The following KCNAB1 variants were observed in gnomAD, a reference collection of about 807,000 sequenced individuals.
The protein encoded by KCNAB1 is voltage-gated potassium channel subunit beta-1.
In KCNAB1, 35 loss-of-function variants were observed where a neutral mutation model predicts 64.6. That is an observed-to-expected ratio of 0.54 (90% confidence interval 0.41 to 0.72). The LOEUF (loss-of-function observed/expected upper bound fraction) is 0.72. KCNAB1 is among the 30% of genes least tolerant of loss of function. KCNAB1 has a pLI of 0.00. For synonymous variants in KCNAB1, 177 were observed against 183.8 expected (o/e 0.96, Z 0.30); for missense variants, 401 against 512.9 (o/e 0.78, Z 2.11).
intron 2 of KCNAB1, among the ~76,000 whole-genome samples, chr3:156,443,783 ATTC>A (rs1559887322): frequency 1.5e-5 from 2 of 136,534 alleles, no homozygotes; most frequent in East Asian, 4.2e-4. Context: ...CACACACACT[ATTC>A]TTTACTTGTA....
intron 1 of KCNAB1, among the ~76,000 whole-genome samples, chr3:156,234,731 G>A (rs1472526667): frequency 1.3e-5 from 2 of 152,176 alleles, no homozygotes; most frequent in African/African-American, 2.4e-5. Flanking sequence ...CAGTATGGCT[G>A]TGTGGTTTGC....
chr3:156,195,278 T>G (rs1463773855), intron 1 of KCNAB1, among the ~76,000 whole-genome samples: 5 of 152,236 alleles, frequency 3.3e-5, no homozygotes, highest in Non-Finnish European at 7.3e-5. Flanking sequence ...TAGAATGATT[T>G]ATAATCCTTT....
chr3:156,228,935 A>G lies in KCNAB1; in HGVS notation c.275+108049A>G, dbSNP rs562308201. ...ATGGCATACCTGAACCCCAGCGGAG[A>G]CTAGGGTTTACACAGAGAGAAGGTG... On this transcript the variant is annotated intron_variant, in intron 1 of 13. Transcript: ENST00000490337. 2.7e-4 allele frequency among the ~76,000 whole-genome samples: 41 copies of G among 152,172 alleles called. No homozygotes were observed. The East Asian group carries it at 6.8e-3, about 25-fold the overall frequency.
intron 2 of KCNAB1, among the ~76,000 whole-genome samples, chr3:156,433,607 A>T (rs1449567333): frequency 2.0e-5 from 3 of 152,174 alleles, no homozygotes; most frequent in Non-Finnish European, 4.4e-5. Flanking sequence ...GAGGTACAAG[A>T]CATAGAAATG....
intron 2 of KCNAB1, among the ~76,000 whole-genome samples, chr3:156,428,275 G>A (rs1225629156): frequency 6.6e-6 from 1 of 152,106 alleles, no homozygotes; most frequent in Non-Finnish European, 1.5e-5. Flanking sequence ...TGAATAAGAG[G>A]GAATTCCTGC....
chr3:156,209,517 C>T (rs1183173122), intron 1 of KCNAB1, among the ~76,000 whole-genome samples: 1 of 152,114 alleles, frequency 6.6e-6, no homozygotes, highest in Non-Finnish European at 1.5e-5. Context: ...CAAATATTTC[C>T]TGAACATTAA....
intron 1 of KCNAB1, among the ~76,000 whole-genome samples, chr3:156,272,503 T>C (rs1195181410): frequency 6.6e-6 from 1 of 152,054 alleles, no homozygotes; most frequent in Non-Finnish European, 1.5e-5. Context: ...CGGCCCTGTG[T>C]GCAATACTCC....
intron 2 of KCNAB1, among the ~76,000 whole-genome samples, chr3:156,444,160 GC>G (rs1358126203): frequency 6.6e-6 from 1 of 152,174 alleles, no homozygotes; most frequent in Non-Finnish European, 1.5e-5. Context: ...AAGGAAGAAT[GC>G]TTTGTGTGCG....
chr3:156,527,850 G>T (rs1718432023), intron 12 of KCNAB1, among the ~76,000 whole-genome samples: 1 of 152,196 alleles, frequency 6.6e-6, no homozygotes, highest in African/African-American at 2.4e-5. Flanking sequence ...CCAACTGTGT[G>T]CCTGCTCCCC....
chr3:156,128,799 C>A (rs73026692), intron 1 of KCNAB1, among the ~76,000 whole-genome samples: 6,372 of 152,218 alleles, frequency 0.042, 278 homozygotes, highest in African/African-American at 0.099. Flanking sequence ...AATTTATTTT[C>A]ATGAATATTA....
intron 1 of KCNAB1, among the ~76,000 whole-genome samples, chr3:156,166,514 T>A (rs1419546963): frequency 6.8e-6 from 1 of 147,688 alleles, no homozygotes; most frequent in Admixed American, 6.8e-5. Context: ...CTAGACAAAT[T>A]TAAAAAATAC....
intron 1 of KCNAB1, among the ~76,000 whole-genome samples, chr3:156,313,021 T>G (rs76693993): frequency 0.011 from 1,716 of 152,296 alleles, 33 homozygotes; most frequent in African/African-American, 0.04. Flanking sequence ...CACCCAGTAT[T>G]GCAGACTGGA....
intron 2 of KCNAB1, among the ~76,000 whole-genome samples, chr3:156,443,776 ACACACT>A (rs1717190397): frequency 7.0e-6 from 1 of 143,686 alleles, no homozygotes; most frequent in Non-Finnish European, 1.5e-5. Context: ...ACACACACAC[ACACACT>A]ATTCTTTACT....
intron 1 of KCNAB1, among the ~76,000 whole-genome samples, chr3:156,351,073 T>C (rs552681226): frequency 6.6e-6 from 1 of 152,332 alleles, no homozygotes; most frequent in African/African-American, 2.4e-5. Context: ...TTGGGCATCA[T>C]CCAGTATGGA....
intron 1 of KCNAB1, among the ~76,000 whole-genome samples, chr3:156,267,737 T>C (rs1718802864): frequency 6.6e-6 from 1 of 152,116 alleles, no homozygotes; most frequent in South Asian, 2.1e-4. Flanking sequence ...AGATGTTTTC[T>C]TTGCTTTTTA....
intron 1 of KCNAB1, among the ~76,000 whole-genome samples, chr3:156,142,320 T>G (rs1262095419): frequency 6.6e-6 from 1 of 152,230 alleles, no homozygotes; most frequent in African/African-American, 2.4e-5. Flanking sequence ...GTCTAATAAG[T>G]CTTCACTTAA....
chr3:156,285,021 G>A (rs184043525), intron 1 of KCNAB1, among the ~76,000 whole-genome samples: 1 of 152,112 alleles, frequency 6.6e-6, no homozygotes, highest in African/African-American at 2.4e-5. Context: ...TTTTTCTGTC[G>A]TATTTTCTTT....
At chr3:156,286,731 AT>A (rs1720117057) in intron 1 of KCNAB1, among the ~76,000 whole-genome samples, 1 of 152,232 alleles carries the variant, frequency 6.6e-6, no homozygotes, top group Admixed American at 6.5e-5. Context: ...ACTTATAAAA[AT>A]ATCGGGGTTT....
At chr3:156,124,221 T>C (rs972869836) in intron 1 of KCNAB1, among the ~76,000 whole-genome samples, 1 of 151,532 alleles carries the variant, frequency 6.6e-6, no homozygotes, top group Non-Finnish European at 1.5e-5. Context: ...TTTTCTTTTT[T>C]TTTTTTTCTT....
Sources: gnomAD v4.1 joint callset for allele counts (sites outside exome capture counted in the v4.1 genomes callset) on GRCh38, gnomAD v4.1.1 for gene constraint, MANE v1.5 for transcripts, NCBI Gene and HGNC (gene_info 2026-07-23, HGNC 2026-07-21) for gene names.